CCDC186: variants seen among roughly 807,000 people sequenced by gnomAD.
CCDC186 encodes the protein coiled-coil domain containing 186.
In CCDC186, 49 loss-of-function variants were observed where a neutral mutation model predicts 113.7. The ratio of observed to expected loss-of-function variants is 0.43; its 90% CI spans 0.34 to 0.55. CCDC186 has a LOEUF of 0.55. Ranked by LOEUF, CCDC186 falls within the 20% of genes least tolerant of loss-of-function variation. The probability of loss-of-function intolerance (pLI) is 0.02; values close to 1 mark genes in which losing one functional copy is unlikely to be tolerated. For synonymous variants in CCDC186, 355 were observed against 345.8 expected, an observed-to-expected ratio of 1.03 and a Z score of -0.30; for missense variants, 890 against 1,011.1, an observed-to-expected ratio of 0.88 and a Z score of 1.62.
Position 114,147,610 on chromosome 10 carries a change from T to G in CCDC186, c.889-1849A>C, listed in dbSNP as rs145654273. On this transcript the variant is annotated intron_variant, in intron 4 of 15. Transcript: ENST00000369287. ...GTAGTTATAAAAACAAAAAGAGGTA[T>G]AGATTAGATCCTCAAAGGAAGAAGA... 6.1e-3 allele frequency among the ~76,000 whole-genome samples: 935 copies of G among 152,212 alleles called. 4 individuals carry two copies. The highest frequency in any genetic ancestry group is 8.4e-3 in the Non-Finnish European group (573 of 68,004).
At position 114,126,042 on chromosome 10, in the gene CCDC186, A is replaced by C; in HGVS notation, c.2457T>G (p.Phe819Leu). ...CCCGTCTACTTAAATGAACTTTGTT[A>C]AAATCAGATGCCTCTGAAGAAAGTG... ...SGTLSSEASD[F>L]NKVHLSRRGG... is the part of the protein sequence containing the mutation. The change falls in exon 15 of 16, where the codon TTT becomes TTG. Residue 819 changes from phenylalanine to leucine, a missense_variant. Transcript: ENST00000369287. 1 of 1,614,082 alleles carries C rather than the reference A, an allele frequency of 6.2e-7. No individual in the cohort carries two copies. The highest frequency in any genetic ancestry group is 8.5e-7 in the Non-Finnish European group (1 of 1,179,970).
intron 10 of CCDC186, 52 bp from the exon 11 acceptor site, chr10:114,132,236 A>T (rs1396457832): frequency 3.8e-6 from 5 of 1,300,014 alleles, no homozygotes; most frequent in Non-Finnish European, 2.1e-6. Context: ...AAAGACATTA[A>T]ATTAATGGTT....
At chr10:114,138,969 C>T (rs1172104635) in intron 6 of CCDC186, among the ~76,000 whole-genome samples, 1 of 152,214 alleles carries the variant, frequency 6.6e-6, no homozygotes, top group Non-Finnish European at 1.5e-5. Context: ...GCCGCCTACT[C>T]TGCTTTTCCA....
chr10:114,151,070 A>C, intron 4 of CCDC186, 22 bp downstream of exon 4: 1 of 1,604,660 alleles, frequency 6.2e-7, no homozygotes, highest in African/African-American at 1.3e-5. Context: ...CAAGTTAATA[A>C]TGACAACGAT....
chr10:114,141,601 TCCC>T (rs1463641019), intron 6 of CCDC186, among the ~76,000 whole-genome samples: 1 of 151,600 alleles, frequency 6.6e-6, no homozygotes, highest in Non-Finnish European at 1.5e-5. Context: ...CCCTATTTCT[TCCC>T]CCTCCTCTGT....
chr10:114,156,951 T>G (rs972656455), intron 3 of CCDC186, among the ~76,000 whole-genome samples: 3 of 152,202 alleles, frequency 2.0e-5, no homozygotes, highest in Admixed American at 6.5e-5. Context: ...AACAGTCTAG[T>G]TGACTGTCAA....
intron 1 of CCDC186, among the ~76,000 whole-genome samples, chr10:114,167,086 T>C (rs1024857833): frequency 3.5e-4 from 52 of 149,880 alleles, no homozygotes; most frequent in African/African-American, 1.3e-3. Flanking sequence ...AATGGCGCGA[T>C]CTCGGCTCAC....
intron 1 of CCDC186, chr10:114,173,236 G>A: frequency 4.4e-6 from 2 of 455,128 alleles, no homozygotes; most frequent in South Asian, 3.1e-5. Context: ...TAATCCAGAT[G>A]TTCTGACTCG....
intron 1 of CCDC186, among the ~76,000 whole-genome samples, chr10:114,172,439 G>C (rs1420897704): frequency 6.6e-6 from 1 of 152,176 alleles, no homozygotes; most frequent in East Asian, 1.9e-4. Context: ...CTTTATGGGT[G>C]AAAGAACTAA....
At chr10:114,126,131 T>C (rs1225280645) in intron 14 of CCDC186, 26 bp from the exon 15 acceptor site, 2 of 1,577,506 alleles carry the variant, frequency 1.3e-6, no homozygotes, top group Non-Finnish European at 1.7e-6. Context: ...ATAGTATCAG[T>C]TGTGTACTTG....
chr10:114,164,864 A>G lies in CCDC186; in HGVS notation c.-61-1535T>C, dbSNP rs976514552. On this transcript the variant is annotated intron_variant, in intron 1 of 15. Transcript: ENST00000369287. ...AGACTGGTCAGGTAGATTCCATAGA[A>G]GGCTAAGCAGGAGTGAATTTTGTTA... 2.0e-5 allele frequency among the ~76,000 whole-genome samples: 3 copies of G among 152,226 alleles called. 1 individual carries two copies. The highest frequency in any genetic ancestry group is 4.1e-4 in the South Asian group (2 of 4,832).
In CCDC186 at chr10:114,135,003, T is replaced by G; in HGVS notation, c.1565A>C (p.Tyr522Ser). ...TTTTTGGCGATTAATAATTTCCTTA[T>G]ATTTTGATAATTCATCTTCTGTTCT... is the stretch of plus-strand genomic sequence containing the variant. The part of the protein sequence containing the change: ...RLRTEDELSK[Y>S]KEIINRQKAE... The change falls in exon 10 of 16, where the codon TAT becomes TCT. Residue 522 changes from tyrosine to serine, a missense_variant. Physicochemically the swap from Tyr to Ser is moderately radical, Grantham distance 144. Coordinates refer to ENST00000369287, the MANE Select transcript of CCDC186 (RefSeq NM_018017.4). 6.2e-7 allele frequency: 1 copy of G among 1,611,930 alleles called. No homozygotes were observed. Among genetic ancestry groups the G allele is most frequent in the Non-Finnish European group, 8.5e-7 (1 of 1,179,346 alleles).
At chr10:114,147,350 C>T (rs1450741100) in intron 4 of CCDC186, among the ~76,000 whole-genome samples, 1 of 151,560 alleles carries the variant, frequency 6.6e-6, no homozygotes, top group African/African-American at 2.4e-5. Context: ...CATGAAAATA[C>T]TTACATCCCC....
In CCDC186 at chr10:114,153,556, C is replaced by T. The variant is rs1342483373; in HGVS notation, c.760-2336G>A. On this transcript the variant is annotated intron_variant, in intron 3 of 15. Coordinates refer to ENST00000369287, the MANE Select transcript of CCDC186 (RefSeq NM_018017.4). ...ATCTCAGCACTTTGGGAGGCAGAGG[C>T]AGGAGGCTCACTTGAGGTCAGGAGT... 3.3e-5 allele frequency among the ~76,000 whole-genome samples: 5 copies of T among 151,960 alleles called. No homozygotes were observed. The East Asian group carries it at 9.7e-4, about 29-fold the overall frequency.
intron 6 of CCDC186, among the ~76,000 whole-genome samples, chr10:114,137,595 G>A (rs2031305577): frequency 6.6e-6 from 1 of 152,142 alleles, no homozygotes; most frequent in Non-Finnish European, 1.5e-5. Flanking sequence ...GTTTACGGCT[G>A]TGGTATCTAT....
chr10:114,125,171 T>A lies in CCDC186; in HGVS notation c.2669A>T (p.Glu890Val). 1 of 1,611,036 alleles carries A rather than the reference T, an allele frequency of 6.2e-7. No individual in the cohort carries two copies. The highest frequency in any genetic ancestry group is 1.3e-5 in the African/African-American group (1 of 74,704). Reference protein sequence around the residue: ...EIERLIKHQHELEQRTKKT With the variant: ...EIERLIKHQHVLEQRTKKT ...GGTTTTCTTTGTCCTCTGTTCTAGT[T>A]CATGCTGGTGTTTAATAAGACGTTC... Residue 890 changes from glutamate to valine, a missense_variant, in exon 16 of 16, where the codon GAA (glutamate) becomes GTA (valine). Physicochemically the swap from Glu to Val is moderately radical, Grantham distance 121. Transcript: ENST00000369287.
chr10:114,173,076 T>C (rs1564922693), intron 1 of CCDC186: 1 of 374,354 alleles, frequency 2.7e-6, no homozygotes, highest in African/African-American at 2.1e-5. Flanking sequence ...GCCTATCGTT[T>C]TGGAAGAAAA....
intron 4 of CCDC186, among the ~76,000 whole-genome samples, chr10:114,146,126 G>T (rs887312377): frequency 6.6e-6 from 1 of 152,090 alleles, no homozygotes; most frequent in Non-Finnish European, 1.5e-5. Context: ...CAAACTTCCA[G>T]TTGGGTTCAC....
intron 1 of CCDC186, among the ~76,000 whole-genome samples, chr10:114,168,582 G>C (rs746687679): frequency 2.6e-5 from 4 of 152,022 alleles, no homozygotes; most frequent in African/African-American, 9.7e-5. Context: ...AAACTGGCTC[G>C]ACTGGTCTTG....
Sources: allele counts gnomAD v4.1 joint callset (sites outside exome capture counted in the v4.1 genomes callset), GRCh38; gene constraint gnomAD v4.1.1; transcripts MANE v1.5; gene names NCBI Gene and HGNC (gene_info 2026-07-23, HGNC 2026-07-21).